HERC5: variants seen among roughly 807,000 people sequenced by gnomAD.
HERC5 encodes E3 ISG15--protein ligase HERC5.
A neutral mutation model predicts 119.6 loss-of-function variants in HERC5; 99 were observed. The observed-to-expected ratio is 0.83, with a 90% CI of 0.70 to 0.98. The LOEUF (loss-of-function observed/expected upper bound fraction) is 0.98, where lower values mean the gene tolerates loss of function less well. Among genes scored for constraint, HERC5 ranks in the 50% least tolerant of loss-of-function variants. The pLI is 0.00. For synonymous variants in HERC5, 478 were observed against 445.9 expected, an observed-to-expected ratio of 1.07 and a Z score of -0.91; for missense variants, 1,267 against 1,241.3, an observed-to-expected ratio of 1.02 and a Z score of -0.31.
chr4:88,463,759 T>C (rs977480615), intron 5 of HERC5, 96 bp from the exon 6 acceptor site: 1 of 1,452,038 alleles, frequency 6.9e-7, no homozygotes, highest in African/African-American at 1.4e-5. Context: ...AGCTTTACTT[T>C]GACAGTGCTA....
intron 11 of HERC5, 78 bp from the exon 12 acceptor site, chr4:88,475,763 C>A: frequency 8.4e-7 from 1 of 1,185,240 alleles, no homozygotes; most frequent in Non-Finnish European, 1.2e-6. Context: ...AGCCTCTACA[C>A]CTTGTTTTAT....
chr4:88,470,268 G>T lies in HERC5; in HGVS notation c.1239-346G>T, dbSNP rs371215005. ...CTGGTAATTTATTTCTACTTCAGTG[G>T]AATAGAAATAAATAGGACTTGCATA... On this transcript the variant is annotated intron_variant, in intron 9 of 22. Transcript: ENST00000264350. 4.3e-3 allele frequency among the ~76,000 whole-genome samples: 653 copies of T among 152,262 alleles called. 6 individuals are homozygous for T. The highest frequency in any genetic ancestry group is 0.015 in the African/African-American group (624 of 41,552).
At chr4:88,486,686 T>C (rs1022851577) in intron 14 of HERC5, among the ~76,000 whole-genome samples, 1 of 152,166 alleles carries the variant, frequency 6.6e-6, no homozygotes, top group African/African-American at 2.4e-5. Context: ...ATAATTCTCC[T>C]TCTAGCACAT....
In HERC5 at chr4:88,479,495, G is replaced by A. The variant is rs748799957; in HGVS notation, c.1725G>A (p.Lys575=). The A allele has an allele frequency of 5.6e-6, 9 of 1,600,750 alleles. No homozygotes were observed. Among genetic ancestry groups the A allele is most frequent in the Non-Finnish European group, 6.8e-6 (8 of 1,176,072 alleles). Reference sequence around the variant, plus strand: ...TTCAAGCTCTCCTAGAAATGTTGAAGAAGCTGCACAGGGTAAGAGTTCCTT... The same window carrying A: ...TTCAAGCTCTCCTAGAAATGTTGAAAAAGCTGCACAGGGTAAGAGTTCCTT... ...GNVQALLEML[K]KLHRVNQVKC... is the part of the protein sequence containing the mutation. The change falls in exon 13 of 23, where the codon AAG becomes AAA. Residue 575 remains lysine (K), a synonymous_variant. Coordinates refer to ENST00000264350, the MANE Select transcript of HERC5 (RefSeq NM_016323.4).
rs752182626 is a variant in HERC5 at position 88,486,230 on chromosome 4, T to C, written c.1851+2T>C. 6.4e-7 allele frequency: 1 copy of C among 1,560,426 alleles called. No homozygotes were observed. The highest frequency in any genetic ancestry group is 8.8e-7 in the Non-Finnish European group (1 of 1,132,706). ...AGGTACTTGTGGAAAATGACTGTGG[T>C]AGGTATAGCATGTTTAAAGGGGGAA... On this transcript the variant is annotated splice_donor_variant, in intron 14 of 22. Coordinates refer to ENST00000264350, the MANE Select transcript of HERC5 (RefSeq NM_016323.4). LOFTEE classifies it high-confidence loss of function.
intron 18 of HERC5, among the ~76,000 whole-genome samples, chr4:88,495,367 G>A (rs1411481413): frequency 6.6e-6 from 1 of 151,960 alleles, no homozygotes; most frequent in Admixed American, 6.6e-5. Flanking sequence ...TGACCAACAC[G>A]GCGAGACCTC....
intron 3 of HERC5, among the ~76,000 whole-genome samples, chr4:88,460,911 G>T (rs1045655743): frequency 2.6e-5 from 4 of 152,058 alleles, no homozygotes; most frequent in South Asian, 2.1e-4. Context: ...GATCCCTTGA[G>T]CCCAGGAGTT....
rs1239969864 is a variant in HERC5, at chr4:88,476,424, C to T, written c.1582+394C>T. On this transcript the variant is annotated intron_variant, in intron 12 of 22. Transcript: ENST00000264350. Reference sequence around the variant, plus strand: ...AGTGATGAGGATGCTAAGTTCTAAACTTGTAATAGTAATTGTATTTATTCA... The same window carrying T: ...AGTGATGAGGATGCTAAGTTCTAAATTTGTAATAGTAATTGTATTTATTCA... 2.6e-5 allele frequency among the ~76,000 whole-genome samples: 4 copies of T among 152,116 alleles called. No individual in the cohort carries two copies. The East Asian group carries it at 7.7e-4, about 29-fold the overall frequency.
chr4:88,505,085 A>G (rs1742066568), intron 22 of HERC5, among the ~76,000 whole-genome samples: 1 of 152,198 alleles, frequency 6.6e-6, no homozygotes, highest in Non-Finnish European at 1.5e-5. Flanking sequence ...GTTAGAAGAT[A>G]TTCAGACTTA....
chr4:88,505,694 G>C lies in HERC5; in HGVS notation c.2891G>C (p.Arg964Thr). 1 of 1,576,170 alleles carries C rather than the reference G, an allele frequency of 6.3e-7. No homozygotes were observed. The highest frequency in any genetic ancestry group is 8.7e-7 in the Non-Finnish European group (1 of 1,148,526). The change falls in exon 23 of 23, where the codon AGA (arginine) becomes ACA (threonine). Residue 964 changes from arginine to threonine, a missense_variant. By Grantham distance (71) the Arg-to-Thr change is moderately conservative (BLOSUM62 -1). Transcript: ENST00000264350. ...TTAGTATTTCTTACAGGAACTGACA[G>C]ACTACAAATGAAAGATTTAAATAAT... is the stretch of plus-strand genomic sequence containing the variant. ...KFLVFLTGTDRLQMKDLNNMK... is the reference protein window; with the variant it reads ...KFLVFLTGTDTLQMKDLNNMK...
intron 12 of HERC5, among the ~76,000 whole-genome samples, chr4:88,477,952 T>C (rs1348774494): frequency 1.3e-5 from 2 of 152,250 alleles, no homozygotes; most frequent in African/African-American, 4.8e-5. Context: ...TCACGAACGA[T>C]TTTTAATTTA....
intron 20 of HERC5, among the ~76,000 whole-genome samples, chr4:88,504,000 G>C (rs1048957102): frequency 1.3e-5 from 2 of 151,854 alleles, no homozygotes; most frequent in East Asian, 3.9e-4. Context: ...CCAGGAGGTG[G>C]AGGTTGCAAT....
Position 88,505,716 on chromosome 4 carries a change from T to C in HERC5, c.2913T>C (p.Asn971=), listed in dbSNP as rs1742085132. Residue 971 remains asparagine, a synonymous_variant, in exon 23 of 23, where the codon AAT becomes AAC. Coordinates refer to ENST00000264350, the MANE Select transcript of HERC5 (RefSeq NM_016323.4). ...GTDRLQMKDL[N]NMKITFCCPE... is the part of the protein sequence containing the mutation. ...ACAGACTACAAATGAAAGATTTAAA[T>C]AATATGAAAATAACATTTTGCTGTC... The C allele has an allele frequency of 6.3e-6, 10 of 1,593,732 alleles. No homozygotes were observed. The highest frequency in any genetic ancestry group is 1.3e-5 in the African/African-American group (1 of 74,428).
At chr4:88,504,646 G>T in intron 22 of HERC5, 49 bp downstream of exon 22, 1 of 1,187,294 alleles carries the variant, frequency 8.4e-7, no homozygotes, top group Non-Finnish European at 1.2e-6. Context: ...TCTTTTTAAT[G>T]GGATAAAAAT....
intron 11 of HERC5, 38 bp downstream of exon 11, chr4:88,472,540 C>A: frequency 1.7e-6 from 2 of 1,150,992 alleles, no homozygotes; most frequent in Non-Finnish European, 2.6e-6. Flanking sequence ...GAAAATACAC[C>A]AGAATATTTC....
intron 6 of HERC5, among the ~76,000 whole-genome samples, chr4:88,464,596 T>G (rs1259650197): frequency 1.4e-5 from 2 of 143,112 alleles, no homozygotes; most frequent in Non-Finnish European, 3.1e-5. Context: ...TGGTTTTTGG[T>G]TTTTTTTTTT....
In HERC5 at chr4:88,489,158, T is replaced by C. The variant is rs571226239; in HGVS notation, c.1963-8T>C. The C allele has an allele frequency of 5.0e-6, 8 of 1,594,944 alleles. No individual in the cohort carries two copies. Among genetic ancestry groups the C allele is most frequent in the Admixed American group, 3.7e-5 (2 of 54,584 alleles). On this transcript the variant is annotated splice_polypyrimidine_tract_variant and splice_region_variant and intron_variant, in intron 15 of 22. Transcript: ENST00000264350. ...TGAAGTGTAATATTTCTGTTTCTGT[T>C]TTCCTAGAGTAAAAAACATAAAGCT...
intron 18 of HERC5, among the ~76,000 whole-genome samples, chr4:88,497,237 C>T (rs1349188658): frequency 6.6e-6 from 1 of 152,202 alleles, no homozygotes; most frequent in Non-Finnish European, 1.5e-5. Context: ...AGTTTTGAGG[C>T]ACATGCTAGA....
At chr4:88,486,985 C>T in intron 14 of HERC5, 84 bp from the exon 15 acceptor site, 1 of 843,866 alleles carries the variant, frequency 1.2e-6, no homozygotes, top group Non-Finnish European at 1.9e-6. Flanking sequence ...GACCTTAAAC[C>T]ATCAGGGATG....
Sources: allele counts gnomAD v4.1 joint callset (sites outside exome capture counted in the v4.1 genomes callset), GRCh38; gene constraint gnomAD v4.1.1; transcripts MANE v1.5; gene names NCBI Gene and HGNC (gene_info 2026-07-23, HGNC 2026-07-21).